KCNK2: variants seen among roughly 807,000 people sequenced by gnomAD.
KCNK2 encodes potassium channel subfamily K member 2.
A neutral mutation model predicts 40.5 loss-of-function variants in KCNK2; 21 were observed. The observed-to-expected ratio is 0.52, with a 90% CI of 0.37 to 0.75. The LOEUF (loss-of-function observed/expected upper bound fraction) is 0.75. KCNK2 is among the 30% of genes least tolerant of loss of function. The pLI, the probability that KCNK2 is intolerant of heterozygous loss-of-function variation, is 0.00. For synonymous variants in KCNK2, 191 were observed against 202.2 expected, an observed-to-expected ratio of 0.94 and a Z score of 0.47; for missense variants, 399 against 531.6, an observed-to-expected ratio of 0.75 and a Z score of 2.45.
At chr1:215,154,659 C>A (rs1257023507) in intron 3 of KCNK2, among the ~76,000 whole-genome samples, 1 of 152,040 alleles carries the variant, frequency 6.6e-6, no homozygotes, top group Non-Finnish European at 1.5e-5. Context: ...TTTGCCCATG[C>A]CTATGTCCTC....
intron 3 of KCNK2, among the ~76,000 whole-genome samples, chr1:215,131,827 T>C (rs564054833): frequency 2.0e-5 from 3 of 152,188 alleles, no homozygotes; most frequent in South Asian, 4.1e-4. Context: ...GAGATTGAAT[T>C]TGGCTAAACA....
intron 1 of KCNK2, among the ~76,000 whole-genome samples, chr1:215,033,404 A>T (rs1019387045): frequency 7.8e-6 from 1 of 128,832 alleles, no homozygotes; most frequent in African/African-American, 2.9e-5. Flanking sequence ...AACTGTGTTT[A>T]TTTTTTATTT....
intron 1 of KCNK2, among the ~76,000 whole-genome samples, chr1:215,008,368 T>A (rs1656260185): frequency 6.6e-6 from 1 of 152,114 alleles, no homozygotes; most frequent in Non-Finnish European, 1.5e-5. Context: ...TAAAAATTTG[T>A]TGCACCAGGA....
At chr1:215,222,753 C>A (rs1461933919) in intron 6 of KCNK2, among the ~76,000 whole-genome samples, 2 of 147,124 alleles carry the variant, frequency 1.4e-5, no homozygotes, top group African/African-American at 5.0e-5. Flanking sequence ...TTTCTTTAAA[C>A]CTGGTTGGTA....
intron 1 of KCNK2, among the ~76,000 whole-genome samples, chr1:215,044,172 T>C (rs761817799): frequency 5.3e-5 from 8 of 152,202 alleles, no homozygotes; most frequent in African/African-American, 1.9e-4. Context: ...GTGTTTTTTT[T>C]CCAAAGTATG....
At chr1:215,089,397 A>G (rs374862502) in intron 2 of KCNK2, among the ~76,000 whole-genome samples, 1 of 152,144 alleles carries the variant, frequency 6.6e-6, no homozygotes, top group African/African-American at 2.4e-5. Context: ...GCTACATATT[A>G]TGGAGAGTGA....
intron 2 of KCNK2, among the ~76,000 whole-genome samples, chr1:215,118,353 C>T (rs1228714769): frequency 6.6e-6 from 1 of 152,098 alleles, no homozygotes; most frequent in Non-Finnish European, 1.5e-5. Flanking sequence ...TAATGATACC[C>T]ACTATTATCT....
intron 4 of KCNK2, among the ~76,000 whole-genome samples, chr1:215,169,741 G>T (rs1042049429): frequency 3.3e-5 from 5 of 151,688 alleles, no homozygotes; most frequent in African/African-American, 1.2e-4. Context: ...CACCTCCCAG[G>T]TTCAAGCAAT....
At chr1:215,014,508 G>A (rs575376345) in intron 1 of KCNK2, among the ~76,000 whole-genome samples, 4 of 151,950 alleles carry the variant, frequency 2.6e-5, no homozygotes, top group Admixed American at 2.6e-4. Flanking sequence ...AGAGAAATTA[G>A]TGATCAGCTG....
intron 1 of KCNK2, among the ~76,000 whole-genome samples, chr1:215,084,347 G>A (rs1488665679): frequency 2.6e-5 from 4 of 152,182 alleles, no homozygotes; most frequent in African/African-American, 7.2e-5. Flanking sequence ...GTTCTGCAGA[G>A]TGTAAACCAC....
chr1:215,142,842 G>A (rs182614127), intron 3 of KCNK2, among the ~76,000 whole-genome samples: 87 of 151,610 alleles, frequency 5.7e-4, no homozygotes, highest in Non-Finnish European at 9.6e-4. Flanking sequence ...AAGTTGTTTT[G>A]TTGATTTCTT....
chr1:215,114,876 T>G (rs1660852112), intron 2 of KCNK2, among the ~76,000 whole-genome samples: 1 of 152,094 alleles, frequency 6.6e-6, no homozygotes, highest in Non-Finnish European at 1.5e-5. Context: ...TGAAACAGGA[T>G]CTGTCTATCA....
chr1:215,141,246 A>ATAATATAG (rs1450595092), intron 3 of KCNK2, among the ~76,000 whole-genome samples: 1 of 152,148 alleles, frequency 6.6e-6, no homozygotes. Flanking sequence ...AATAAAAGGT[A>ATAATATAG]TAATATAGTA....
At chr1:215,209,445 A>T (rs1387548398) in intron 6 of KCNK2, among the ~76,000 whole-genome samples, 6 of 26,668 alleles carry the variant, frequency 2.2e-4, no homozygotes, top group African/African-American at 3.3e-4. Flanking sequence ...TAAAATATAT[A>T]ATATATATTA....
chr1:215,025,416 C>T (rs557204465), intron 1 of KCNK2, among the ~76,000 whole-genome samples: 1 of 151,808 alleles, frequency 6.6e-6, no homozygotes, highest in Admixed American at 6.6e-5. Context: ...CTTATTTGTT[C>T]CCTATTCCCT....
At position 215,009,932 on chromosome 1, in the gene KCNK2, G is replaced by T. The variant is rs80065659; in HGVS notation, c.34+3977G>T. ...TTACAAAGGAGTCAATTACAAATGT[G>T]CTCTTGGCTACCTTTTCTGGCTGCT... On this transcript the variant is annotated intron_variant, in intron 1 of 6. Transcript: ENST00000391895. Among the ~76,000 whole-genome samples the T allele has an allele frequency of 9.9e-5, 15 of 152,228 alleles. No homozygotes were observed. In the East Asian group the frequency reaches 2.7e-3, roughly 27 times the overall value.
intron 3 of KCNK2, among the ~76,000 whole-genome samples, chr1:215,167,129 C>T (rs1028231089): frequency 7.9e-5 from 12 of 152,202 alleles, no homozygotes; most frequent in African/African-American, 2.9e-4. Context: ...AGTGACTAAA[C>T]ATTAGCTCAC....
chr1:215,073,633 A>G (rs1415060821), intron 1 of KCNK2, among the ~76,000 whole-genome samples: 1 of 152,202 alleles, frequency 6.6e-6, no homozygotes, highest in African/African-American at 2.4e-5. Context: ...GCCAGTGACT[A>G]AACCACAGAG....
upstream of KCNK2, chr1:215,081,766 A>C (rs1215273413): frequency 6.6e-6 from 1 of 152,112 alleles, no homozygotes; most frequent in Non-Finnish European, 1.5e-5. Flanking sequence ...GAGTTTAGAA[A>C]CGGATTGAAG....
Sources: allele counts gnomAD v4.1 joint callset (sites outside exome capture counted in the v4.1 genomes callset), GRCh38; gene constraint gnomAD v4.1.1; transcripts MANE v1.5; gene names NCBI Gene and HGNC (gene_info 2026-07-23, HGNC 2026-07-21).